Variants in GRID2 observed in about 807,000 individuals in gnomAD.
The protein encoded by GRID2 is glutamate ionotropic receptor delta type subunit 2.
Under a neutral mutation model 114.8 loss-of-function variants are expected in GRID2, and 33 were observed. The observed-to-expected ratio is 0.29, with a 90% CI of 0.22 to 0.38. The LOEUF (loss-of-function observed/expected upper bound fraction) is 0.38, where lower values mean the gene tolerates loss of function less well. GRID2 is among the 10% of genes least tolerant of loss of function. The pLI, the probability that GRID2 is intolerant of heterozygous loss-of-function variation, is 1.00. For missense variants in GRID2, 1,184 were observed against 1,257.7 expected, an observed-to-expected ratio of 0.94 and a Z score of 0.89; for synonymous variants, 505 against 449.9, an observed-to-expected ratio of 1.12 and a Z score of -1.55.
rs115664054 is a variant in GRID2, at chr4:92,626,527, G to A, written c.244+36241G>A. ...TCTCAGCCTTGACTTTAGATGGAGT[G>A]TGGAGAAAAATCTCTTCTGAGAATT... On this transcript the variant is annotated intron_variant, in intron 2 of 15. Transcript: ENST00000282020. Among the ~76,000 whole-genome samples the A allele has an allele frequency of 6.6e-3, 1,008 of 152,138 alleles. 6 individuals carry two copies. Among genetic ancestry groups the A allele is most frequent in the Non-Finnish European group, 0.011 (715 of 67,950 alleles).
chr4:93,126,606 T>C (rs1278292170), intron 4 of GRID2, among the ~76,000 whole-genome samples: 1 of 129,310 alleles, frequency 7.7e-6, no homozygotes, highest in Non-Finnish European at 1.6e-5. Flanking sequence ...TTTTTTTTTT[T>C]TTTTTTTTTG....
At chr4:93,739,248 C>T (rs1045987366) in intron 14 of GRID2, among the ~76,000 whole-genome samples, 1 of 152,124 alleles carries the variant, frequency 6.6e-6, no homozygotes, top group Admixed American at 6.6e-5. Flanking sequence ...GCATTTAACA[C>T]ACTAGTATGT....
chr4:93,538,458 G>A (rs551676261), intron 13 of GRID2, among the ~76,000 whole-genome samples: 5 of 151,882 alleles, frequency 3.3e-5, no homozygotes, highest in Middle Eastern at 3.4e-3. Context: ...TAAATAATAC[G>A]TGTAGATACT....
intron 8 of GRID2, among the ~76,000 whole-genome samples, chr4:93,242,705 T>C (rs960817504): frequency 2.0e-5 from 3 of 151,866 alleles, no homozygotes; most frequent in Non-Finnish European, 2.9e-5. Flanking sequence ...GAAATTATGT[T>C]TGGGGAGAGA....
intron 4 of GRID2, among the ~76,000 whole-genome samples, chr4:93,146,143 T>G (rs1736204752): frequency 6.6e-6 from 1 of 152,270 alleles, no homozygotes; most frequent in Non-Finnish European, 1.5e-5. Flanking sequence ...CTAAATATTT[T>G]AATTCCACAT....
At chr4:93,180,037 G>A (rs776057491) in intron 4 of GRID2, among the ~76,000 whole-genome samples, 3 of 151,988 alleles carry the variant, frequency 2.0e-5, no homozygotes, top group Non-Finnish European at 2.9e-5. Flanking sequence ...TTTAAACGAA[G>A]AAAAAAGGCA....
intron 2 of GRID2, among the ~76,000 whole-genome samples, chr4:92,692,779 T>C (rs1267254449): frequency 6.6e-6 from 1 of 152,010 alleles, no homozygotes; most frequent in Non-Finnish European, 1.5e-5. Context: ...TCCCAGCACT[T>C]TGGGAGGCAG....
intron 14 of GRID2, among the ~76,000 whole-genome samples, chr4:93,678,170 G>A (rs967210680): frequency 4.6e-5 from 7 of 152,066 alleles, no homozygotes; most frequent in African/African-American, 1.4e-4. Context: ...TGGAAGAAAG[G>A]GTATCAGTGA....
chr4:92,417,485 A>T (rs577029532), intron 1 of GRID2, among the ~76,000 whole-genome samples: 1 of 152,104 alleles, frequency 6.6e-6, no homozygotes, highest in African/African-American at 2.4e-5. Context: ...ATATAAAGCA[A>T]TTACCCCCTG....
At chr4:93,504,353 A>AT (rs1182331152) in intron 12 of GRID2, among the ~76,000 whole-genome samples, 2 of 151,936 alleles carry the variant, frequency 1.3e-5, no homozygotes, top group African/African-American at 2.4e-5. Flanking sequence ...ATATTGAATA[A>AT]TTTTTTTCCA....
intron 2 of GRID2, among the ~76,000 whole-genome samples, chr4:92,875,412 C>T (rs1745560942): frequency 6.6e-6 from 1 of 152,082 alleles, no homozygotes; most frequent in African/African-American, 2.4e-5. Context: ...AATCCACCTG[C>T]CTCAGCCTTC....
intron 9 of GRID2, among the ~76,000 whole-genome samples, chr4:93,420,207 G>A (rs1301388148): frequency 6.6e-6 from 1 of 152,120 alleles, no homozygotes; most frequent in African/African-American, 2.4e-5. Flanking sequence ...AAGGAAATCA[G>A]TACATGCTTC....
chr4:93,468,137 G>A (rs1020869471), intron 11 of GRID2, among the ~76,000 whole-genome samples: 4 of 152,076 alleles, frequency 2.6e-5, no homozygotes, highest in Admixed American at 6.5e-5. Flanking sequence ...CAAATTTTAT[G>A]TACAGTTTCA....
intron 1 of GRID2, among the ~76,000 whole-genome samples, chr4:92,333,897 T>C (rs897611814): frequency 1.3e-5 from 2 of 152,090 alleles, no homozygotes; most frequent in African/African-American, 4.8e-5. Context: ...ATGCAACTAA[T>C]TTTCTTTTCA....
chr4:92,567,342 G>C (rs62307851), intron 1 of GRID2, among the ~76,000 whole-genome samples: 1 of 151,646 alleles, frequency 6.6e-6, no homozygotes, highest in Non-Finnish European at 1.5e-5. Context: ...CTACACAGTG[G>C]TTTTTCTTAT....
At chr4:93,749,658 C>G (rs1194043989) in intron 14 of GRID2, among the ~76,000 whole-genome samples, 1 of 152,154 alleles carries the variant, frequency 6.6e-6, no homozygotes, top group Non-Finnish European at 1.5e-5. Flanking sequence ...AAACATAAAG[C>G]CTTAGTCAAA....
intron 1 of GRID2, among the ~76,000 whole-genome samples, chr4:92,491,888 C>A (rs1723163119): frequency 6.6e-6 from 1 of 152,062 alleles, no homozygotes; most frequent in Non-Finnish European, 1.5e-5. Context: ...ATAGTTGGAT[C>A]AAAATTATTT....
rs186527271 is a variant in GRID2 at position 92,419,073 on chromosome 4, G to T, written c.88+114329G>T. Among the ~76,000 whole-genome samples the T allele has an allele frequency of 3.9e-5, 6 of 152,126 alleles. No homozygotes were observed. The East Asian group carries it at 5.8e-4, about 15-fold the overall frequency. On this transcript the variant is annotated intron_variant, in intron 1 of 15. Transcript: ENST00000282020. ...GCTTAATTTGCCTCTGCTATAGTGGGATAGATTTTGAATTATCCTTCTTGC... is the reference window on the plus strand; with the variant it reads ...GCTTAATTTGCCTCTGCTATAGTGGTATAGATTTTGAATTATCCTTCTTGC...
At chr4:92,727,151 C>T (rs1315460058) in intron 2 of GRID2, among the ~76,000 whole-genome samples, 1 of 151,962 alleles carries the variant, frequency 6.6e-6, no homozygotes, top group Non-Finnish European at 1.5e-5. Context: ...TACAGACATT[C>T]AGTCAACTAA....
Sources: gnomAD v4.1 joint callset for allele counts (sites outside exome capture counted in the v4.1 genomes callset) on GRCh38, gnomAD v4.1.1 for gene constraint, MANE v1.5 for transcripts, NCBI Gene and HGNC (gene_info 2026-07-23, HGNC 2026-07-21) for gene names.